The following RYR3 variants were observed in gnomAD, a reference collection of about 807,000 sequenced individuals.
RYR3 encodes the protein brain ryanodine receptor-calcium release channel.
RYR3 carries 207 observed loss-of-function variants against 584.3 expected under a neutral mutation model. The observed-to-expected ratio is 0.35, with a 90% CI of 0.32 to 0.40. The LOEUF (loss-of-function observed/expected upper bound fraction) is 0.40. RYR3 is among the 10% of genes least tolerant of loss of function. RYR3 has a pLI of 1.00. For synonymous variants in RYR3, 2,416 were observed against 2,248.5 expected (o/e 1.07, Z -2.11); for missense variants, 5,616 against 6,089.2 (o/e 0.92, Z 2.59).
intron 82 of RYR3, among the ~76,000 whole-genome samples, chr15:33,826,015 G>A (rs1329197504): frequency 4.6e-5 from 7 of 152,198 alleles, no homozygotes; most frequent in South Asian, 2.1e-4. Context: ...AATTACAGGC[G>A]TGAGCCACCG....
intron 10 of RYR3, 40 bp downstream of exon 10, chr15:33,550,356 G>A (rs1379836176): frequency 1.9e-6 from 3 of 1,574,216 alleles, no homozygotes; most frequent in Non-Finnish European, 2.6e-6. Context: ...TGTTCTAAAA[G>A]TGAAAACTCA....
intron 63 of RYR3, among the ~76,000 whole-genome samples, chr15:33,773,264 A>C (rs1027597475): frequency 3.3e-5 from 5 of 152,232 alleles, no homozygotes; most frequent in African/African-American, 1.2e-4. Flanking sequence ...TGGTCAAATG[A>C]TTCCTTTCCC....
intron 55 of RYR3, 71 bp downstream of exon 55, chr15:33,748,601 G>A: frequency 8.0e-7 from 1 of 1,247,274 alleles, no homozygotes; most frequent in South Asian, 1.3e-5. Context: ...AGTTAAAGGG[G>A]GAAAAAAGGG....
intron 1 of RYR3, among the ~76,000 whole-genome samples, chr15:33,462,418 A>G (rs190055667): frequency 5.9e-5 from 9 of 152,330 alleles, no homozygotes; most frequent in Admixed American, 4.6e-4. Context: ...AGGCGCTACA[A>G]GTAGAAAGAA....
intron 60 of RYR3, chr15:33,757,875 C>G: frequency 2.3e-6 from 1 of 428,614 alleles, no homozygotes; most frequent in South Asian, 2.7e-5. Flanking sequence ...AGGAACAGCT[C>G]TGGTCTGTAG....
Position 33,649,144 on chromosome 15 carries a change from G to A in RYR3, c.4051G>A (p.Asp1351Asn), listed in dbSNP as rs770174153. 6.2e-7 allele frequency: 1 copy of A among 1,613,846 alleles called. No individual in the cohort carries two copies. ...TGTCTGGGTCGGATGGGTGACTCCAGACTATCACTTGTACAGTGAAAAGTT... is the reference window on the plus strand; with the variant it reads ...TGTCTGGGTCGGATGGGTGACTCCAAACTATCACTTGTACAGTGAAAAGTT... ...SCVWVGWVTP[D>N]YHLYSEKFDL... is the part of the protein sequence containing the mutation. Residue 1351 changes from aspartate to asparagine, a missense_variant, in exon 31 of 104, where the codon GAC (aspartate) becomes AAC (asparagine). Physicochemically the swap from Asp to Asn is conservative, Grantham distance 23 (BLOSUM62 1). This residue lies in a region of RYR3 where 753 missense variants were observed against 741.0 expected (regional missense o/e 1.02). Transcript: ENST00000634891.
intron 13 of RYR3, among the ~76,000 whole-genome samples, chr15:33,581,178 C>T (rs1713286582): frequency 6.6e-6 from 1 of 152,108 alleles, no homozygotes; most frequent in Admixed American, 6.6e-5. Flanking sequence ...AACCACTTCA[C>T]ACCAGACTGA....
intron 10 of RYR3, among the ~76,000 whole-genome samples, chr15:33,560,339 G>A (rs1466229238): frequency 2.6e-5 from 4 of 152,254 alleles, no homozygotes; most frequent in African/African-American, 4.8e-5. Context: ...AGTGACTGCC[G>A]TAGAATTTGG....
chr15:33,738,448 A>G lies in RYR3; in HGVS notation c.7516-2A>G, dbSNP rs1437067215. 1 of 1,612,102 alleles carries G rather than the reference A, an allele frequency of 6.2e-7. No homozygotes were observed. Among genetic ancestry groups the G allele is most frequent in the African/African-American group, 1.3e-5 (1 of 74,870 alleles). ...TGGTCTGTCCTGTTCTGCACCTCCC[A>G]GCTTCTGACGAATCACTATGAACAG... On this transcript the variant is annotated splice_acceptor_variant, in intron 49 of 103. Transcript: ENST00000634891. LOFTEE classifies it high-confidence loss of function.
At chr15:33,456,701 C>T (rs2047591322) in intron 1 of RYR3, among the ~76,000 whole-genome samples, 1 of 152,176 alleles carries the variant, frequency 6.6e-6, no homozygotes, top group Non-Finnish European at 1.5e-5. Flanking sequence ...TGAGCACCTT[C>T]TCAGGGTTTT....
At chr15:33,483,387 C>G (rs1015791837) in intron 2 of RYR3, among the ~76,000 whole-genome samples, 4 of 152,140 alleles carry the variant, frequency 2.6e-5, no homozygotes, top group African/African-American at 7.2e-5. Flanking sequence ...TTATACTGAA[C>G]ATTGTAGATG....
intron 42 of RYR3, among the ~76,000 whole-genome samples, chr15:33,706,506 G>A (rs1264079038): frequency 1.3e-5 from 2 of 152,124 alleles, no homozygotes; most frequent in Non-Finnish European, 2.9e-5. Flanking sequence ...TTTTGTGACT[G>A]GCTTATTTCA....
chr15:33,328,070 T>C (rs1969947702), intron 1 of RYR3, among the ~76,000 whole-genome samples: 2 of 152,256 alleles, frequency 1.3e-5, no homozygotes, highest in African/African-American at 4.8e-5. Context: ...TTTTTGTTGC[T>C]GTGTTTTCTG....
At chr15:33,865,048 G>A (rs1380404163) in intron 103 of RYR3, 83 bp from the exon 104 acceptor site, 3 of 983,482 alleles carry the variant, frequency 3.1e-6, no homozygotes, top group African/African-American at 3.2e-5. Flanking sequence ...CTTCCTAAAG[G>A]GAGCCACAAA....
rs370829333 is a variant in RYR3 at position 33,580,048 on chromosome 15, C to G, written c.1341C>G (p.Ile447Met). 1 of 1,613,706 alleles carries G rather than the reference C, an allele frequency of 6.2e-7. No individual in the cohort carries two copies. Among genetic ancestry groups the G allele is most frequent in the Non-Finnish European group, 8.5e-7 (1 of 1,179,740 alleles). Residue 447 changes from isoleucine (I) to methionine (M), a missense_variant, in exon 13 of 104, where the codon ATC (isoleucine) becomes ATG (methionine). Around this residue, in one of 9 missense-constraint regions of RYR3, gnomAD observed 1,284 missense variants for 1,344.6 expected, o/e 0.95. Transcript: ENST00000634891. The part of the protein sequence containing the change: ...EEVLQTLQDL[I>M]AYFQPPEEEM... Reference sequence around the variant, plus strand: ...TCCTGCAGACCCTACAGGACTTGATCGCCTACTTCCAGCCCCCAGAGGAGG... The same window carrying G: ...TCCTGCAGACCCTACAGGACTTGATGGCCTACTTCCAGCCCCCAGAGGAGG...
intron 16 of RYR3, among the ~76,000 whole-genome samples, chr15:33,587,750 T>A (rs1567605204): frequency 6.6e-6 from 1 of 152,242 alleles, no homozygotes; most frequent in East Asian, 1.9e-4. Context: ...AGGTTTGTCA[T>A]GAATTCAGAT....
intron 10 of RYR3, among the ~76,000 whole-genome samples, chr15:33,552,668 T>G (rs932642730): frequency 6.6e-6 from 1 of 152,206 alleles, no homozygotes; most frequent in Non-Finnish European, 1.5e-5. Flanking sequence ...GTGTTCCCAC[T>G]GGATGTCAGG....
intron 1 of RYR3, among the ~76,000 whole-genome samples, chr15:33,442,749 A>G (rs181598889): frequency 1.3e-5 from 2 of 152,380 alleles, no homozygotes; most frequent in Admixed American, 6.5e-5. Context: ...CTCATCCAGT[A>G]TCAGTAAACA....
At chr15:33,459,530 T>C (rs536798421) in intron 1 of RYR3, among the ~76,000 whole-genome samples, 73 of 152,250 alleles carry the variant, frequency 4.8e-4, no homozygotes, top group African/African-American at 1.7e-3. Context: ...CAGGGCTTAA[T>C]AGGTGGCAGA....
Sources: allele counts gnomAD v4.1 joint callset (sites outside exome capture counted in the v4.1 genomes callset), GRCh38; gene constraint gnomAD v4.1.1; regional missense constraint gnomAD v4.1.1; transcripts MANE v1.5; gene names NCBI Gene and HGNC (gene_info 2026-07-23, HGNC 2026-07-21).